The following ADCYAP1R1 variants were observed in gnomAD, a reference collection of about 807,000 sequenced individuals.
ADCYAP1R1 encodes pituitary adenylate cyclase-activating polypeptide type I receptor.
ADCYAP1R1 carries 44 observed loss-of-function variants against 67.6 expected under a neutral mutation model. That is an observed-to-expected ratio of 0.65 (90% CI 0.51 to 0.84). The LOEUF is 0.84. ADCYAP1R1 is among the 40% of genes least tolerant of loss of function. The pLI is 0.00. For missense variants in ADCYAP1R1, 477 were observed against 587.9 expected (o/e 0.81, Z 1.95); for synonymous variants, 222 against 219.6 (o/e 1.01, Z -0.10).
chr7:31,110,181 G>C lies in ADCYAP1R1; in HGVS notation c.*3497G>C, dbSNP rs1367700623. The C allele has an allele frequency of 6.7e-6, 1 of 149,194 alleles. No individual in the cohort carries two copies. Among genetic ancestry groups the C allele is most frequent in the Non-Finnish European group, 1.5e-5 (1 of 67,650 alleles). The allele number at this position is 149,194 out of a possible 1,614,324, so 9.2% of individuals were successfully genotyped here. ...GAGTAGTACCCTTGCCCTCTTCATG[G>C]CCACTTCAAAGTGAAGCCAGCAAAG... On this transcript the variant is annotated 3_prime_UTR_variant, in exon 16 of 16. Transcript: ENST00000304166.
chr7:31,087,426 G>A (rs1258123526), intron 11 of ADCYAP1R1, among the ~76,000 whole-genome samples: 1 of 152,232 alleles, frequency 6.6e-6, no homozygotes, highest in Non-Finnish European at 1.5e-5. Context: ...GAAAGATAGA[G>A]GCTCAGAAGG....
intron 13 of ADCYAP1R1, among the ~76,000 whole-genome samples, chr7:31,097,318 C>T (rs889917456): frequency 6.6e-6 from 1 of 152,250 alleles, no homozygotes; most frequent in African/African-American, 2.4e-5. Context: ...CTAGGTTCAT[C>T]CCTTCTTCCT....
Position 31,065,993 on chromosome 7 carries a change from G to A in ADCYAP1R1, c.157+1057G>A, listed in dbSNP as rs530241398. Among the ~76,000 whole-genome samples the A allele has an allele frequency of 1.5e-3, 236 of 152,336 alleles. 1 individual carries two copies. The highest frequency in any genetic ancestry group is 5.5e-3 in the African/African-American group (229 of 41,578). ...TGAGGGAGCTACTCTGGACCGTGCC[G>A]GCCTTTGCCTCCGCTGAGCTCTTGC... On this transcript the variant is annotated intron_variant, in intron 3 of 15. Coordinates refer to ENST00000304166, the MANE Select transcript of ADCYAP1R1 (RefSeq NM_001118.5).
At chr7:31,074,835 C>A (rs1210015062) in intron 3 of ADCYAP1R1, among the ~76,000 whole-genome samples, 3 of 152,244 alleles carry the variant, frequency 2.0e-5, no homozygotes, top group African/African-American at 7.2e-5. Flanking sequence ...CCTTTAATGT[C>A]TTTGCCTTCT....
Position 31,102,301 on chromosome 7 carries a change from G to T in ADCYAP1R1, c.1047-936G>T, listed in dbSNP as rs1796471372. Among the ~76,000 whole-genome samples the T allele has an allele frequency of 6.6e-6, 1 of 152,234 alleles. No individual in the cohort carries two copies. The highest frequency in any genetic ancestry group is 2.4e-5 in the African/African-American group (1 of 41,468). ...GGGGGCAGGCCACATCTGCGGGGCA[G>T]GCCACATCTGCAGGGCAGAGCTGGA... On this transcript the variant is annotated intron_variant, in intron 13 of 15. Coordinates refer to ENST00000304166, the MANE Select transcript of ADCYAP1R1 (RefSeq NM_001118.5). This position sits in a 1 kb window ranked among gnomAD's most constrained non-coding sequence, Gnocchi z 4.3.
Position 31,064,926 on chromosome 7 carries a change from T to C in ADCYAP1R1, c.147T>C (p.Asp49=). 1 of 1,608,906 alleles carries C rather than the reference T, an allele frequency of 6.2e-7. No individual in the cohort carries two copies. The highest frequency in any genetic ancestry group is 2.2e-5 in the East Asian group (1 of 44,794). Residue 49 remains aspartate (D), a synonymous_variant, in exon 3 of 16, where the codon GAT becomes GAC. Coordinates refer to ENST00000304166, the MANE Select transcript of ADCYAP1R1 (RefSeq NM_001118.5). ...CCAATGAGCTGATGGGCTTCAATGA[T>C]TCCTCTCCAGGTGAGCGGGGCGGCA... ...QRANELMGFN[D]SSPGCPGMWD...
intron 1 of ADCYAP1R1, among the ~76,000 whole-genome samples, chr7:31,061,769 G>A (rs187003453): frequency 2.0e-5 from 3 of 152,266 alleles, no homozygotes; most frequent in Admixed American, 6.5e-5. Context: ...AGAGAGGGAG[G>A]GGACGTGGTT....
intron 1 of ADCYAP1R1, among the ~76,000 whole-genome samples, chr7:31,062,229 G>T (rs936203689): frequency 1.3e-5 from 2 of 152,256 alleles, no homozygotes; most frequent in South Asian, 4.1e-4. Context: ...CCCTGGGAGC[G>T]TGCTGGGCTC....
At chr7:31,103,387 G>A (rs1312870933) in intron 14 of ADCYAP1R1, 21 bp downstream of exon 14, 3 of 1,614,020 alleles carry the variant, frequency 1.9e-6, no homozygotes, top group East Asian at 2.2e-5. Context: ...CACATGGGGA[G>A]GACAGAACTC....
At chr7:31,089,407 A>G (rs925071592) in intron 12 of ADCYAP1R1, among the ~76,000 whole-genome samples, 1 of 136,316 alleles carries the variant, frequency 7.3e-6, no homozygotes, top group African/African-American at 2.7e-5. Flanking sequence ...AAAGTTTTTC[A>G]TCTTGGCTTG....
At chr7:31,106,441 T>A in intron 15 of ADCYAP1R1, 55 bp from the exon 16 acceptor site, 1 of 1,555,466 alleles carries the variant, frequency 6.4e-7, no homozygotes, top group Non-Finnish European at 8.7e-7. Context: ...GGACAGGGCC[T>A]GGAGGCTGCA....
chr7:31,069,099 A>G (rs573795574), intron 3 of ADCYAP1R1, among the ~76,000 whole-genome samples: 29 of 152,240 alleles, frequency 1.9e-4, no homozygotes, highest in African/African-American at 6.5e-4. Context: ...CTGTGTTAAA[A>G]GCCTCCAGGT....
At chr7:31,077,437 G>T (rs1056937736) in intron 3 of ADCYAP1R1, among the ~76,000 whole-genome samples, 1 of 148,570 alleles carries the variant, frequency 6.7e-6, no homozygotes, top group African/African-American at 2.5e-5. Context: ...GTGTATATGT[G>T]TGATTGTGTG....
At chr7:31,064,773 A>C in intron 2 of ADCYAP1R1, 58 bp from the exon 3 acceptor site, 10 of 1,396,582 alleles carry the variant, frequency 7.2e-6, no homozygotes, top group Non-Finnish European at 9.0e-6. Flanking sequence ...CTTTGGTAGG[A>C]GAGCTTACAG....
chr7:31,078,029 C>T lies in ADCYAP1R1; in HGVS notation c.196C>T (p.Pro66Ser), dbSNP rs1327283363. 6.2e-7 allele frequency: 1 copy of T among 1,613,026 alleles called. No individual in the cohort carries two copies. The highest frequency in any genetic ancestry group is 8.5e-7 in the Non-Finnish European group (1 of 1,179,394). ...GMWDNITCWK[P>S]AHVGEMVLVS... ...GTGGGACAACATCACGTGTTGGAAG[C>T]CCGCCCATGTGGGTGAGATGGTCCT... Residue 66 changes from proline to serine, a missense_variant, in exon 4 of 16, where the codon CCC becomes TCC. Pro to Ser is a moderately conservative substitution (Grantham distance 74, BLOSUM62 -1). Coordinates refer to ENST00000304166, the MANE Select transcript of ADCYAP1R1 (RefSeq NM_001118.5).
Position 31,061,304 on chromosome 7 carries a change from A to G in ADCYAP1R1, c.-71-1890A>G, listed in dbSNP as rs1794492100. 2.6e-5 allele frequency among the ~76,000 whole-genome samples: 4 copies of G among 152,202 alleles called. No individual in the cohort carries two copies. The South Asian group carries it at 8.3e-4, about 32-fold the overall frequency. On this transcript the variant is annotated intron_variant, in intron 1 of 15. Transcript: ENST00000304166. ...GACACTCCTCCCTCGCAGCCAGGCA[A>G]GTCAGGAGGGTTGTCTCTTTGCAGG...
chr7:31,067,643 G>A (rs1042436176), intron 3 of ADCYAP1R1, among the ~76,000 whole-genome samples: 1 of 152,162 alleles, frequency 6.6e-6, no homozygotes, highest in Non-Finnish European at 1.5e-5. Flanking sequence ...CAACTGCTGG[G>A]ATGCACCACC....
At chr7:31,100,880 C>T (rs778218073) in intron 13 of ADCYAP1R1, among the ~76,000 whole-genome samples, 4 of 152,200 alleles carry the variant, frequency 2.6e-5, no homozygotes, top group Non-Finnish European at 5.9e-5. Context: ...CCATTGCTCC[C>T]CTGGGCAGCC....
chr7:31,099,185 C>T (rs1275679366), intron 13 of ADCYAP1R1, among the ~76,000 whole-genome samples: 2 of 152,190 alleles, frequency 1.3e-5, no homozygotes, highest in African/African-American at 4.8e-5. Context: ...AGCCTGGGCC[C>T]CCCTCCTTGA....
Sources: gnomAD v4.1 joint callset for allele counts (sites outside exome capture counted in the v4.1 genomes callset) on GRCh38, gnomAD v4.1.1 for gene constraint, Gnocchi (gnomAD v3.1) non-coding constraint, MANE v1.5 for transcripts, NCBI Gene and HGNC (gene_info 2026-07-23, HGNC 2026-07-21) for gene names.